Variants in SSH2 observed in about 807,000 individuals in gnomAD.
The protein encoded by SSH2 is protein phosphatase Slingshot homolog 2.
In SSH2, 37 loss-of-function variants were observed where a neutral mutation model predicts 135.2. That is an observed-to-expected ratio of 0.27 (90% CI 0.21 to 0.36). The LOEUF is 0.36. SSH2 is among the 10% of genes least tolerant of loss of function. SSH2 has a pLI of 1.00. For missense variants in SSH2, 1,408 were observed against 1,765.3 expected (o/e 0.80, Z 3.63); for synonymous variants, 628 against 646.2 (o/e 0.97, Z 0.43).
chr17:29,909,553 G>A (rs1049670176), intron 1 of SSH2, among the ~76,000 whole-genome samples: 2 of 152,134 alleles, frequency 1.3e-5, no homozygotes, highest in Non-Finnish European at 2.9e-5. Context: ...TAACTCAGAC[G>A]TTATAAATGC....
intron 2 of SSH2, among the ~76,000 whole-genome samples, chr17:29,834,061 A>G (rs972273544): frequency 1.3e-5 from 2 of 151,074 alleles, no homozygotes; most frequent in African/African-American, 4.9e-5. Context: ...GAGGTTACCC[A>G]TGAAGGTTGC....
At chr17:29,659,587 C>G (rs1364695290) in intron 11 of SSH2, among the ~76,000 whole-genome samples, 1 of 152,022 alleles carries the variant, frequency 6.6e-6, no homozygotes. Context: ...GCAGTGGCAC[C>G]ATCTCGGATC....
chr17:29,779,810 CAAAAAAAAAAAAAAAAAA>C (rs56789691), intron 3 of SSH2, among the ~76,000 whole-genome samples: 1 of 19,608 alleles, frequency 5.1e-5, no homozygotes, highest in South Asian at 5.0e-3. Context: ...GACTCTGTCT[CAAAAAAAAAAAAAAAAAA>C]AAAAAAAAAA....
rs562502916 is a variant in SSH2 at position 29,652,074 on chromosome 17, G to A, written c.1080-1274C>T. On this transcript the variant is annotated intron_variant, in intron 12 of 15. Coordinates refer to ENST00000540801, the MANE Select transcript of SSH2 (RefSeq NM_001282129.2). ...GAAGAATTGCTTGAACCCGGGAGGC[G>A]GAGGTTGCAGTGAGTCGAGATTGCG... is the stretch of plus-strand genomic sequence containing the variant. 9.2e-5 allele frequency among the ~76,000 whole-genome samples: 14 copies of A among 152,218 alleles called. No homozygotes were observed. In the East Asian group the frequency reaches 2.1e-3, roughly 23 times the overall value.
chr17:29,691,348 C>G (rs1234030253), intron 5 of SSH2, among the ~76,000 whole-genome samples: 4 of 152,154 alleles, frequency 2.6e-5, no homozygotes, highest in Non-Finnish European at 4.4e-5. Flanking sequence ...AATGGTTGAT[C>G]TTTGGTAACG....
intron 3 of SSH2, chr17:29,776,230 C>T (rs1274266625): frequency 2.0e-5 from 3 of 152,144 alleles, no homozygotes; most frequent in African/African-American, 4.8e-5. Context: ...GTATGCTATT[C>T]CTCTAACACT....
At chr17:29,718,837 G>T (rs371510764) in intron 3 of SSH2, among the ~76,000 whole-genome samples, 1 of 151,526 alleles carries the variant, frequency 6.6e-6, no homozygotes, top group African/African-American at 2.4e-5. Context: ...GCTGCTAATA[G>T]GAGACCTCAG....
chr17:29,720,286 C>T (rs1422752322), intron 3 of SSH2, among the ~76,000 whole-genome samples: 1 of 152,180 alleles, frequency 6.6e-6, no homozygotes, highest in Non-Finnish European at 1.5e-5. Context: ...TACTTTATTT[C>T]AACCTTACCA....
rs552866907 is a variant in SSH2 at position 29,823,844 on chromosome 17, A to T, written c.144+25005T>A. ...CAGTGAACCGAGATCATGCCATTGC[A>T]CTCCAGCCTGGACAACAGAGTGAGA... is the stretch of plus-strand genomic sequence containing the variant. On this transcript the variant is annotated intron_variant, in intron 2 of 15. Coordinates refer to ENST00000540801, the MANE Select transcript of SSH2 (RefSeq NM_001282129.2). 2.2e-5 allele frequency among the ~76,000 whole-genome samples: 3 copies of T among 136,396 alleles called. No homozygotes were observed. In the East Asian group the frequency reaches 6.6e-4, roughly 30 times the overall value. The allele number at this position is 136,396 out of a possible 152,430, so 89.5% of individuals were successfully genotyped here. A position where few individuals can be genotyped will look rare whatever the true frequency, so the allele number is the denominator to read the frequency against.
At chr17:29,692,505 T>C (rs989891407) in intron 5 of SSH2, among the ~76,000 whole-genome samples, 4 of 152,276 alleles carry the variant, frequency 2.6e-5, no homozygotes, top group Admixed American at 6.5e-5. Flanking sequence ...CAGCTGAAGA[T>C]GCATATTTTA....
rs2035611704 is a variant in SSH2 at position 29,630,246 on chromosome 17, A to G, written c.*595T>C. On this transcript the variant is annotated 3_prime_UTR_variant, in exon 16 of 16. Coordinates refer to ENST00000540801, the MANE Select transcript of SSH2 (RefSeq NM_001282129.2). ...TAAATTTGCAGAGCCGGCCATTATC[A>G]TGTCTTACTGTAACGATACACTCTG... is the stretch of plus-strand genomic sequence containing the variant. 6.6e-6 allele frequency: 1 copy of G among 152,182 alleles called. No individual in the cohort carries two copies. 9.4% of individuals were successfully genotyped at this position (152,182 alleles called of 1,614,324 possible).
At chr17:29,716,361 T>C in intron 3 of SSH2, 1 of 484,116 alleles carries the variant, frequency 2.1e-6, no homozygotes, top group East Asian at 4.4e-5. Flanking sequence ...TCTTGGCTCT[T>C]AGAGTGCTTT....
chr17:29,826,658 C>T (rs1446582549), intron 2 of SSH2, among the ~76,000 whole-genome samples: 1 of 152,162 alleles, frequency 6.6e-6, no homozygotes, highest in African/African-American at 2.4e-5. Context: ...CCACCTACCA[C>T]ACTAAGCATA....
At chr17:29,909,968 C>T (rs942348253) in intron 1 of SSH2, among the ~76,000 whole-genome samples, 25 of 152,126 alleles carry the variant, frequency 1.6e-4, no homozygotes, top group Admixed American at 1.5e-3. Flanking sequence ...TTTTTAGAAA[C>T]GGGGTCTCAC....
chr17:29,721,662 G>A (rs182553753), intron 3 of SSH2, among the ~76,000 whole-genome samples: 1 of 152,246 alleles, frequency 6.6e-6, no homozygotes, highest in African/African-American at 2.4e-5. Flanking sequence ...AAAGGAAGGT[G>A]GCTGAAGATA....
At chr17:29,761,365 A>G (rs2041295715) in intron 3 of SSH2, 1 of 1,072,472 alleles carries the variant, frequency 9.3e-7, no homozygotes, top group Non-Finnish European at 1.1e-6. Context: ...CCGGCGGCGG[A>G]GGCGGGCCCG....
At chr17:29,752,162 T>C (rs1205885695) in intron 3 of SSH2, among the ~76,000 whole-genome samples, 4 of 152,166 alleles carry the variant, frequency 2.6e-5, no homozygotes, top group African/African-American at 9.7e-5. Context: ...TCAATCAAAA[T>C]CCTAATACAA....
In SSH2 at chr17:29,914,516, A is replaced by G. The variant is rs922925666; in HGVS notation, c.63+15422T>C. 6.0e-5 allele frequency among the ~76,000 whole-genome samples: 9 copies of G among 151,120 alleles called. No homozygotes were observed. In the South Asian group the frequency reaches 6.3e-4, roughly 11 times the overall value. On this transcript the variant is annotated intron_variant, in intron 1 of 15. Transcript: ENST00000540801. ...GGGGGTTGAGGTGAGCTATGATCAT[A>G]CCACTGCACTCCAGCCTGGGTGACA...
intron 3 of SSH2, among the ~76,000 whole-genome samples, chr17:29,705,007 T>C (rs553247763): frequency 1.9e-4 from 29 of 152,354 alleles, no homozygotes; most frequent in Admixed American, 5.2e-4. Context: ...CAATGTTAAA[T>C]TGACGTTGCC....
Sources: allele counts gnomAD v4.1 joint callset (sites outside exome capture counted in the v4.1 genomes callset), GRCh38; gene constraint gnomAD v4.1.1; transcripts MANE v1.5; gene names NCBI Gene and HGNC (gene_info 2026-07-23, HGNC 2026-07-21).